CENPE: variants seen among roughly 807,000 people sequenced by gnomAD.
The protein encoded by CENPE is centromere protein E, also known as centromere-associated protein E.
CENPE carries 145 observed loss-of-function variants against 336.1 expected under a neutral mutation model. That is an observed-to-expected ratio of 0.43 (90% CI 0.38 to 0.50). CENPE has a LOEUF of 0.50. Ranked by LOEUF, CENPE falls within the 20% of genes least tolerant of loss-of-function variation. CENPE has a pLI of 0.00. For synonymous variants in CENPE, 1,013 were observed against 984.8 expected, an observed-to-expected ratio of 1.03 and a Z score of -0.54; for missense variants, 2,719 against 3,023.3, an observed-to-expected ratio of 0.90 and a Z score of 2.36.
intron 24 of CENPE, among the ~76,000 whole-genome samples, chr4:103,156,299 G>A (rs1228881476): frequency 2.6e-5 from 4 of 152,104 alleles, no homozygotes; most frequent in Admixed American, 6.6e-5. Flanking sequence ...AAAGAAGAAC[G>A]AAGTTGGAGG....
intron 8 of CENPE, 97 bp from the exon 9 acceptor site, chr4:103,185,958 A>C (rs539783995): frequency 4.6e-4 from 349 of 761,812 alleles, no homozygotes; most frequent in African/African-American, 3.3e-3. Context: ...GTATATCTGA[A>C]TATTCGATCT....
chr4:103,137,148 T>C (rs1417194199), intron 39 of CENPE, among the ~76,000 whole-genome samples: 1 of 152,074 alleles, frequency 6.6e-6, no homozygotes, highest in African/African-American at 2.4e-5. Flanking sequence ...ATTCTAACAA[T>C]TTACTAGCTG....
chr4:103,167,953 C>T (rs1055557892), intron 16 of CENPE, among the ~76,000 whole-genome samples: 1 of 152,180 alleles, frequency 6.6e-6, no homozygotes, highest in African/African-American at 2.4e-5. Context: ...GGCTCCTGCC[C>T]TCCTCAAGCT....
chr4:103,157,164 T>A (rs138663506), intron 24 of CENPE, among the ~76,000 whole-genome samples: 1 of 151,766 alleles, frequency 6.6e-6, no homozygotes, highest in African/African-American at 2.4e-5. Context: ...GCAGCTGTTA[T>A]GGAAAACATT....
intron 39 of CENPE, among the ~76,000 whole-genome samples, chr4:103,137,381 T>C (rs1375553853): frequency 1.3e-5 from 2 of 152,204 alleles, no homozygotes; most frequent in Non-Finnish European, 2.9e-5. Context: ...TTCAAGTTAC[T>C]GTAATCATGT....
chr4:103,179,239 A>G (rs1756131294), intron 13 of CENPE, among the ~76,000 whole-genome samples: 2 of 149,100 alleles, frequency 1.3e-5, no homozygotes, highest in African/African-American at 4.8e-5. Context: ...CAGAGCCACA[A>G]TCTTTGCAGG....
In CENPE at chr4:103,141,810, T is replaced by C. The variant is rs1220503610; in HGVS notation, c.5403A>G (p.Thr1801=). The C allele has an allele frequency of 6.3e-7, 1 of 1,578,292 alleles. No individual in the cohort carries two copies. Among genetic ancestry groups the C allele is most frequent in the Non-Finnish European group, 8.7e-7 (1 of 1,151,342 alleles). Residue 1801 remains threonine, a synonymous_variant, in exon 35 of 49, where the codon ACA becomes ACG. Transcript: ENST00000265148. The part of the protein sequence containing the change: ...DKLRGIVSEK[T]DKLSNMQKDL... ...CTTTTTGCATATTTGATAGTTTATC[T>C]GTCTTCTCAGAAACAATTCCTCTGA... is the stretch of plus-strand genomic sequence containing the variant.
Position 103,159,080 on chromosome 4 carries a change from T to A in CENPE, c.2531A>T (p.Asn844Ile), listed in dbSNP as rs755027563. The change falls in exon 22 of 49, where the codon AAT (asparagine) becomes ATT (isoleucine). Residue 844 changes from asparagine (N) to isoleucine (I), a missense_variant. By Grantham distance (149) the Asn-to-Ile change is moderately radical (BLOSUM62 -3). Coordinates refer to ENST00000265148, the MANE Select transcript of CENPE (RefSeq NM_001813.3). Reference sequence around the variant, plus strand: ...TTTAGAGAGATTAACTATTTCCTGATTCATTCTCTCATTCTCCTCAAGGAC... The same window carrying A: ...TTTAGAGAGATTAACTATTTCCTGAATCATTCTCTCATTCTCCTCAAGGAC... ...KMVLEENERM[N>I]QEIVNLSKEA... 1.3e-6 allele frequency: 2 copies of A among 1,566,212 alleles called. No individual in the cohort carries two copies. Among genetic ancestry groups the A allele is most frequent in the East Asian group, 4.5e-5 (2 of 44,628 alleles).
At position 103,180,213 on chromosome 4, in the gene CENPE, T is replaced by C. The variant is rs1177901761; in HGVS notation, c.1242+98A>G. ...TCTTCTGGGTTTCTTGAATATACTG[T>C]ATCAAAGGATAGAAAGTGCATACTA... On this transcript the variant is annotated intron_variant, in intron 13 of 48. Coordinates refer to ENST00000265148, the MANE Select transcript of CENPE (RefSeq NM_001813.3). The C allele has an allele frequency of 1.1e-5, 12 of 1,098,024 alleles. No homozygotes were observed. In the South Asian group the frequency reaches 1.3e-4, roughly 12 times the overall value. 68.0% of individuals were successfully genotyped at this position (1,098,024 alleles called of 1,614,324 possible).
chr4:103,132,610 C>A, intron 42 of CENPE, 83 bp downstream of exon 42: 1 of 573,896 alleles, frequency 1.7e-6, no homozygotes. Flanking sequence ...AGAAAATATA[C>A]ATAAGTTGCC....
intron 24 of CENPE, among the ~76,000 whole-genome samples, chr4:103,157,181 C>A (rs1358669859): frequency 6.6e-6 from 1 of 151,582 alleles, no homozygotes; most frequent in Non-Finnish European, 1.5e-5. Flanking sequence ...CATTATGGTG[C>A]TTTCTCAAAA....
intron 8 of CENPE, among the ~76,000 whole-genome samples, chr4:103,187,385 G>C (rs1263312841): frequency 3.3e-5 from 5 of 152,152 alleles, no homozygotes; most frequent in Non-Finnish European, 7.3e-5. Context: ...AAAATGTTAA[G>C]GGCAGCCAGA....
At position 103,161,153 on chromosome 4, in the gene CENPE, T is replaced by C. The variant is rs1754406753; in HGVS notation, c.2064A>G (p.Lys688=). 1 of 1,612,494 alleles carries C rather than the reference T, an allele frequency of 6.2e-7. No individual in the cohort carries two copies. The highest frequency in any genetic ancestry group is 1.1e-5 in the South Asian group (1 of 90,844). Residue 688 remains lysine, a synonymous_variant, in exon 20 of 49, where the codon AAA becomes AAG. Transcript: ENST00000265148. ...TCTCATTAAAAGCAGATTGTAATTC[T>C]TTCTCCAGATCAACTTGCATTTTCT... is the stretch of plus-strand genomic sequence containing the variant. ...AKKKMQVDLE[K]ELQSAFNEIT... is the part of the protein sequence containing the mutation.
At chr4:103,171,857 A>C (rs1250188811) in intron 16 of CENPE, among the ~76,000 whole-genome samples, 1 of 151,886 alleles carries the variant, frequency 6.6e-6, no homozygotes, top group African/African-American at 2.4e-5. Context: ...TATGCCAATA[A>C]ATTGAAAAAC....
intron 33 of CENPE, 59 bp downstream of exon 33, chr4:103,144,272 A>C: frequency 1.4e-6 from 2 of 1,456,982 alleles, no homozygotes; most frequent in East Asian, 4.6e-5. Flanking sequence ...CCTATGGCAG[A>C]TTTTTCTCTT....
At chr4:103,179,088 C>G (rs185997465) in intron 13 of CENPE, among the ~76,000 whole-genome samples, 18 of 152,276 alleles carry the variant, frequency 1.2e-4, no homozygotes, top group Non-Finnish European at 2.6e-4. Context: ...TACCAGCTAC[C>G]CATGAAGCCA....
At position 103,123,092 on chromosome 4, in the gene CENPE, A is replaced by G; in HGVS notation, c.6925-3T>C. ...TCTGTTGATTCATTCATTATGGCCT[A>G]TTGAACAGTAAAATACCATTATAGC... On this transcript the variant is annotated splice_polypyrimidine_tract_variant and splice_region_variant and intron_variant, in intron 42 of 48. Transcript: ENST00000265148. The G allele has an allele frequency of 1.2e-6, 2 of 1,606,416 alleles. No homozygotes were observed. Among genetic ancestry groups the G allele is most frequent in the Non-Finnish European group, 1.7e-6 (2 of 1,173,296 alleles).
At position 103,198,340 on chromosome 4, in the gene CENPE, C is replaced by T; in HGVS notation, c.-21G>A. The T allele has an allele frequency of 6.4e-7, 1 of 1,550,900 alleles. No homozygotes were observed. Among genetic ancestry groups the T allele is most frequent in the Non-Finnish European group, 8.7e-7 (1 of 1,146,572 alleles). ...GCCATCCTATCAGGCTGAACTGGTC[C>T]CAGGAAAATGGCCAGGACCCTCCGC... On this transcript the variant is annotated 5_prime_UTR_variant, in exon 1 of 49. Coordinates refer to ENST00000265148, the MANE Select transcript of CENPE (RefSeq NM_001813.3).
chr4:103,123,309 G>A (rs978560404), intron 42 of CENPE, among the ~76,000 whole-genome samples: 18 of 152,124 alleles, frequency 1.2e-4, no homozygotes, highest in African/African-American at 4.1e-4. Context: ...TCCTGCCTGG[G>A]ATGTAAATCA....
Sources: gnomAD v4.1 joint callset for allele counts (sites outside exome capture counted in the v4.1 genomes callset) on GRCh38, gnomAD v4.1.1 for gene constraint, MANE v1.5 for transcripts, NCBI Gene and HGNC (gene_info 2026-07-23, HGNC 2026-07-21) for gene names.